Variants in RANGAP1 observed in about 807,000 individuals in gnomAD.
RANGAP1 encodes the protein ran GTPase-activating protein 1.
In RANGAP1, 38 loss-of-function variants were observed where a neutral mutation model predicts 63.5. The observed-to-expected ratio is 0.60, with a 90% CI of 0.46 to 0.78. The LOEUF (loss-of-function observed/expected upper bound fraction) is 0.78. Ranked by LOEUF, RANGAP1 falls within the 30% of genes least tolerant of loss-of-function variation. RANGAP1 has a pLI of 0.00. For missense variants in RANGAP1, 630 were observed against 740.3 expected (o/e 0.85, Z 1.73); for synonymous variants, 329 against 310.5 (o/e 1.06, Z -0.63).
chr22:41,246,550 G>C lies in RANGAP1; in HGVS notation c.*53C>G, dbSNP rs1221043738. 2.7e-6 allele frequency: 4 copies of C among 1,477,556 alleles called. No individual in the cohort carries two copies. In the South Asian group the frequency reaches 3.6e-5, roughly 13 times the overall value. 91.5% of individuals were successfully genotyped at this position (1,477,556 alleles called of 1,614,324 possible). On this transcript the variant is annotated 3_prime_UTR_variant, in exon 16 of 16. Coordinates refer to ENST00000356244, the MANE Select transcript of RANGAP1 (RefSeq NM_002883.4). ...GCGTAGGCTGCGCCTCAGTTCATCC[G>C]AGTCCCTCCCCAGCTCACTGGTCCA...
the RANGAP1 span, among the ~76,000 whole-genome samples, chr22:41,296,853 C>T: frequency 2.6e-5 from 4 of 152,226 alleles, no homozygotes; most frequent in Admixed American, 2.0e-4. Context: ...CTAAGATCTA[C>T]AGTCAGCAGG....
the RANGAP1 span, among the ~76,000 whole-genome samples, chr22:41,297,748 T>A: frequency 6.7e-5 from 10 of 149,160 alleles, no homozygotes; most frequent in East Asian, 2.0e-3. Flanking sequence ...TGGAGTGCAG[T>A]TGTGTGATCT....
At chr22:41,276,524 A>T (rs1443456694) in intron 2 of RANGAP1, among the ~76,000 whole-genome samples, 1 of 152,124 alleles carries the variant, frequency 6.6e-6, no homozygotes, top group Non-Finnish European at 1.5e-5. Flanking sequence ...CTGTAATCCC[A>T]GCTATTAGGG....
At position 41,280,973 on chromosome 22, in the gene RANGAP1, A is replaced by T. The variant is rs1323386056; in HGVS notation, c.72T>A (p.Ser24Arg). 1.2e-6 allele frequency: 2 copies of T among 1,613,476 alleles called. No individual in the cohort carries two copies. The highest frequency in any genetic ancestry group is 1.7e-6 in the Non-Finnish European group (2 of 1,179,928). The change falls in exon 2 of 16, where the codon AGT (serine) becomes AGA (arginine). Residue 24 changes from serine to arginine, a missense_variant. Around this residue, in one of 3 missense-constraint regions of RANGAP1, gnomAD observed 65 missense variants for 60.5 expected, o/e 1.07. Transcript: ENST00000356244. The stretch of plus-strand genomic sequence containing the variant: ...TGAGTTTGAGGCTCTTGCCTTTGAA[A>T]CTCAGCTGTCCCCCGGCCACCTGAG... ...AKTQVAGGQL[S>R]FKGKSLKLNT...
intron 3 of RANGAP1, among the ~76,000 whole-genome samples, chr22:41,269,934 A>G (rs530837494): frequency 1.3e-5 from 2 of 152,086 alleles, no homozygotes; most frequent in Non-Finnish European, 2.9e-5. Flanking sequence ...CCCAGGTTCA[A>G]GTGAGTCTCC....
intron 8 of RANGAP1, 122 bp downstream of exon 8, chr22:41,256,589 C>G: frequency 1.2e-6 from 1 of 828,502 alleles, no homozygotes; most frequent in South Asian, 1.7e-5. Context: ...TCACAGGGCC[C>G]GAAGTGGAGG....
chr22:41,249,329 C>A lies in RANGAP1; in HGVS notation c.1694+1G>T. 4.4e-6 allele frequency: 7 copies of A among 1,598,688 alleles called. No homozygotes were observed. The highest frequency in any genetic ancestry group is 6.0e-6 in the Non-Finnish European group (7 of 1,171,612). On this transcript the variant is annotated splice_donor_variant, in intron 15 of 15. Coordinates refer to ENST00000356244, the MANE Select transcript of RANGAP1 (RefSeq NM_002883.4). LOFTEE classifies it high-confidence loss of function. ...CGGCAGAAGGACAAGGCCACACTCA[C>A]TTGGTCACGAACGCCAGCAGCAGGG...
intron 6 of RANGAP1, among the ~76,000 whole-genome samples, chr22:41,260,897 A>G (rs1053010986): frequency 3.3e-5 from 5 of 152,200 alleles, no homozygotes; most frequent in Non-Finnish European, 7.3e-5. Flanking sequence ...CAGTCCTGTT[A>G]GGGGCAAGTG....
intron 10 of RANGAP1, among the ~76,000 whole-genome samples, 173 bp downstream of exon 10, chr22:41,255,848 G>C (rs931484018): frequency 6.6e-6 from 1 of 152,086 alleles, no homozygotes; most frequent in African/African-American, 2.4e-5. Context: ...CAGCTACTTG[G>C]GAGGCTGAGG....
chr22:41,270,264 C>T (rs182704946), intron 3 of RANGAP1, among the ~76,000 whole-genome samples: 6 of 152,216 alleles, frequency 3.9e-5, no homozygotes, highest in Admixed American at 2.0e-4. Context: ...TCTCAGTCTC[C>T]AGAGTAGATG....
intron 5 of RANGAP1, among the ~76,000 whole-genome samples, chr22:41,263,357 C>T (rs1325824780): frequency 1.3e-5 from 2 of 152,132 alleles, no homozygotes; most frequent in African/African-American, 2.4e-5. Context: ...CTGACGCAAA[C>T]GTTTTTATAT....
intron 11 of RANGAP1, 100 bp downstream of exon 11, chr22:41,254,208 C>G (rs879225398): frequency 2.9e-5 from 38 of 1,305,934 alleles, no homozygotes; most frequent in Non-Finnish European, 4.1e-5. Flanking sequence ...TTTGTGGCTA[C>G]TGTGCTTAAG....
At position 41,257,853 on chromosome 22, in the gene RANGAP1, G is replaced by T; in HGVS notation, c.774+95C>A. The T allele has an allele frequency of 7.1e-7, 1 of 1,399,524 alleles. No individual in the cohort carries two copies. Among genetic ancestry groups the T allele is most frequent in the Non-Finnish European group, 9.7e-7 (1 of 1,031,196 alleles). The allele number at this position is 1,399,524 out of a possible 1,614,324, so 86.7% of individuals were successfully genotyped here. Reference sequence around the variant, plus strand: ...ACCCAGGGGGCAGGCAGGGGGTAGAGGAGTCCCTGCTAAACGGAGCCCCAG... The same window carrying T: ...ACCCAGGGGGCAGGCAGGGGGTAGATGAGTCCCTGCTAAACGGAGCCCCAG... On this transcript the variant is annotated intron_variant, in intron 7 of 15. Transcript: ENST00000356244. The surrounding 1 kb of genome is among the most constrained non-coding windows in gnomAD (Gnocchi z 4.0).
upstream of RANGAP1, among the ~76,000 whole-genome samples, chr22:41,290,158 A>G (rs13056986): frequency 0.37 from 51,613 of 138,300 alleles, 10,412 homozygotes; most frequent in Non-Finnish European, 0.45. Flanking sequence ...AAAAAAAAAA[A>G]AGAGAGAGAG....
At chr22:41,292,391 C>G in the RANGAP1 span, among the ~76,000 whole-genome samples, 1 of 151,500 alleles carries the variant, frequency 6.6e-6, no homozygotes, top group Non-Finnish European at 1.5e-5. Context: ...CTCAGATGAT[C>G]TGCCCGCCTC....
At chr22:41,258,204 G>GC (rs2033960274) in intron 6 of RANGAP1, 98 bp from the exon 7 acceptor site, 1 of 1,376,186 alleles carries the variant, frequency 7.3e-7, no homozygotes, top group African/African-American at 1.5e-5. Context: ...GGAATGGGCT[G>GC]CCGCCAGCAC....
At chr22:41,282,212 G>GGATC (rs2035530345) in intron 1 of RANGAP1, 1 of 152,226 alleles carries the variant, frequency 6.6e-6, no homozygotes, top group Admixed American at 6.5e-5. Flanking sequence ...TGAGGCAGGA[G>GGATC]GATCATTTGA....
chr22:41,269,005 T>A (rs978344051), intron 3 of RANGAP1, among the ~76,000 whole-genome samples: 1 of 152,236 alleles, frequency 6.6e-6, no homozygotes, highest in Admixed American at 6.5e-5. Context: ...GTAACACTAT[T>A]TTATTTCCTT....
chr22:41,280,917 A>G lies in RANGAP1; in HGVS notation c.112+16T>C, dbSNP rs2035459083. On this transcript the variant is annotated intron_variant, in intron 2 of 15. Transcript: ENST00000356244. ...CCTCCCCTGGACACACCAGTGCACA[A>G]CTTCCAGAAACTCACCATCTTCTGC... 1 of 1,613,772 alleles carries G rather than the reference A, an allele frequency of 6.2e-7. No individual in the cohort carries two copies. The highest frequency in any genetic ancestry group is 8.5e-7 in the Non-Finnish European group (1 of 1,180,002).
Sources: allele counts gnomAD v4.1 joint callset (sites outside exome capture counted in the v4.1 genomes callset), GRCh38; gene constraint gnomAD v4.1.1; regional missense constraint gnomAD v4.1.1; non-coding constraint Gnocchi (gnomAD v3.1); transcripts MANE v1.5; gene names NCBI Gene and HGNC (gene_info 2026-07-23, HGNC 2026-07-21).